The following RGS6 variants were observed in gnomAD, a reference collection of about 807,000 sequenced individuals.
RGS6 encodes regulator of G-protein signaling 6.
RGS6 carries 30 observed loss-of-function variants against 78.5 expected under a neutral mutation model. That is an observed-to-expected ratio of 0.38 (90% confidence interval 0.29 to 0.52). The LOEUF (loss-of-function observed/expected upper bound fraction) is 0.52. Ranked by LOEUF, RGS6 falls within the 20% of genes least tolerant of loss-of-function variation. The probability of loss-of-function intolerance (pLI) is 0.85; values close to 1 mark genes in which losing one functional copy is unlikely to be tolerated. For synonymous variants in RGS6, 206 were observed against 206.0 expected (o/e 1.00, Z 0.00); for missense variants, 495 against 609.7 (o/e 0.81, Z 1.98).
chr14:72,473,419 C>G (rs1056744134), intron 9 of RGS6, among the ~76,000 whole-genome samples: 1 of 151,976 alleles, frequency 6.6e-6, no homozygotes, highest in Non-Finnish European at 1.5e-5. Flanking sequence ...ACTCCAGCCT[C>G]GGCAACAGAG....
chr14:72,348,433 G>T (rs996417870), intron 2 of RGS6, among the ~76,000 whole-genome samples: 2 of 152,198 alleles, frequency 1.3e-5, no homozygotes, highest in African/African-American at 4.8e-5. Flanking sequence ...TGAAATAGAT[G>T]TTCTGAAAAT....
intron 1 of RGS6, among the ~76,000 whole-genome samples, chr14:71,950,496 C>G (rs1344416463): frequency 2.0e-5 from 3 of 152,116 alleles, no homozygotes; most frequent in Admixed American, 2.0e-4. Context: ...CAATACCATT[C>G]AGGACATAGG....
chr14:72,122,237 C>G (rs2096069046), intron 2 of RGS6, among the ~76,000 whole-genome samples: 1 of 152,106 alleles, frequency 6.6e-6, no homozygotes, highest in Non-Finnish European at 1.5e-5. Context: ...GTGTATCTGA[C>G]TGGGTCAGGT....
At chr14:72,587,428 TG>T in the RGS6 span, among the ~76,000 whole-genome samples, 1 of 152,110 alleles carries the variant, frequency 6.6e-6, no homozygotes, top group Non-Finnish European at 1.5e-5. Flanking sequence ...GACAATGAGG[TG>T]GGTCCAGGGG....
chr14:72,266,408 G>T (rs1430726096), intron 2 of RGS6, among the ~76,000 whole-genome samples: 1 of 152,156 alleles, frequency 6.6e-6, no homozygotes, highest in Non-Finnish European at 1.5e-5. Context: ...TTCGGTGGTT[G>T]CACAGTTATG....
At chr14:72,090,217 T>C (rs952368540) in intron 2 of RGS6, among the ~76,000 whole-genome samples, 1 of 152,050 alleles carries the variant, frequency 6.6e-6, no homozygotes, top group South Asian at 2.1e-4. Flanking sequence ...ATATGGGTCC[T>C]TGTTGGACAA....
intron 2 of RGS6, among the ~76,000 whole-genome samples, chr14:72,114,668 C>T (rs1217019725): frequency 6.6e-6 from 1 of 152,124 alleles, no homozygotes; most frequent in Admixed American, 6.5e-5. Context: ...TTCATAAATA[C>T]AAATGCAAAA....
At chr14:72,234,602 C>A (rs1283168308) in intron 2 of RGS6, among the ~76,000 whole-genome samples, 32 of 152,164 alleles carry the variant, frequency 2.1e-4, no homozygotes, top group Non-Finnish European at 1.2e-4. Flanking sequence ...CGTCTTGGCT[C>A]CAGTGCCACC....
chr14:72,612,682 A>G, the RGS6 span: 1 of 493,798 alleles, frequency 2.0e-6, no homozygotes, highest in Admixed American at 2.0e-5. Context: ...CACAAACCCC[A>G]TTCTAGCCAT....
intron 2 of RGS6, among the ~76,000 whole-genome samples, chr14:72,076,065 C>T (rs1384803276): frequency 6.6e-6 from 1 of 152,188 alleles, no homozygotes; most frequent in African/African-American, 2.4e-5. Context: ...CTAAGCAGTC[C>T]TGGGAGACCA....
chr14:72,269,399 C>A (rs1010675295), intron 2 of RGS6, among the ~76,000 whole-genome samples: 2 of 152,144 alleles, frequency 1.3e-5, no homozygotes, highest in African/African-American at 4.8e-5. Flanking sequence ...CTCACTTTCT[C>A]CCTCCATTCC....
chr14:72,328,878 A>G (rs975390608), intron 2 of RGS6, among the ~76,000 whole-genome samples: 9 of 152,136 alleles, frequency 5.9e-5, no homozygotes, highest in Admixed American at 5.9e-4. Flanking sequence ...TATTTTATTT[A>G]TTTATTTTTT....
At chr14:71,921,832 C>T in the RGS6 span, among the ~76,000 whole-genome samples, 11 of 152,214 alleles carry the variant, frequency 7.2e-5, no homozygotes, top group South Asian at 4.2e-4. Flanking sequence ...ACTACAAAAG[C>T]GATTTTTGAT....
intron 3 of RGS6, among the ~76,000 whole-genome samples, chr14:72,404,592 C>T (rs1340462280): frequency 6.6e-6 from 1 of 152,190 alleles, no homozygotes; most frequent in East Asian, 1.9e-4. Context: ...ACAGGGCAAG[C>T]ACAACAAAGA....
the RGS6 span, among the ~76,000 whole-genome samples, chr14:71,912,219 A>G: frequency 6.6e-6 from 1 of 152,192 alleles, no homozygotes; most frequent in South Asian, 2.1e-4. Context: ...ACTCTGAGGA[A>G]AGAGTCTAAT....
At chr14:72,167,271 A>C (rs996700616) in intron 2 of RGS6, among the ~76,000 whole-genome samples, 2 of 152,228 alleles carry the variant, frequency 1.3e-5, no homozygotes, top group Admixed American at 6.5e-5. Context: ...TGGTTCCTTG[A>C]CAGATGGGCC....
intron 17 of RGS6, among the ~76,000 whole-genome samples, chr14:72,555,699 G>A (rs2097564697): frequency 6.6e-6 from 1 of 152,246 alleles, no homozygotes; most frequent in African/African-American, 2.4e-5. Flanking sequence ...TCCCAGGCAA[G>A]TTACTCAAAC....
At chr14:72,278,137 A>C (rs946439854) in intron 2 of RGS6, among the ~76,000 whole-genome samples, 27 of 152,148 alleles carry the variant, frequency 1.8e-4, no homozygotes, top group African/African-American at 6.0e-4. Context: ...GGGGCTTTAC[A>C]GATTATTCGG....
chr14:72,536,322 C>A, intron 16 of RGS6, 47 bp downstream of exon 16: 1 of 1,352,028 alleles, frequency 7.4e-7, no homozygotes, highest in South Asian at 1.2e-5. Flanking sequence ...TTGACTCTTG[C>A]CTGCTGCTTG....
Sources: gnomAD v4.1 joint callset for allele counts (sites outside exome capture counted in the v4.1 genomes callset) on GRCh38, gnomAD v4.1.1 for gene constraint, MANE v1.5 for transcripts, NCBI Gene and HGNC (gene_info 2026-07-23, HGNC 2026-07-21) for gene names.